EMP2: variants seen among roughly 807,000 people sequenced by gnomAD.
The protein encoded by EMP2 is epithelial membrane protein 2.
Under a neutral mutation model 13.7 loss-of-function variants are expected in EMP2, and 19 were observed. The ratio of observed to expected loss-of-function variants is 1.38; its 90% CI spans 0.97 to 2.03. The LOEUF is 2.03. Ranked by LOEUF, EMP2 falls within the 30% of genes most tolerant of loss-of-function variation. The pLI is 0.00. For missense variants in EMP2, 253 were observed against 220.7 expected, an observed-to-expected ratio of 1.15 and a Z score of -0.93; for synonymous variants, 97 against 84.7, an observed-to-expected ratio of 1.15 and a Z score of -0.80.
intron 4 of EMP2, among the ~76,000 whole-genome samples, chr16:10,537,557 G>A (rs8052120): frequency 0.36 from 55,339 of 151,986 alleles, 11,232 homozygotes; most frequent in African/African-American, 0.55. Context: ...CGTCCCTCCT[G>A]TCACAGGGCT....
intron 3 of EMP2, among the ~76,000 whole-genome samples, chr16:10,541,514 CCT>C (rs1179858486): frequency 2.6e-5 from 4 of 152,140 alleles, no homozygotes; most frequent in African/African-American, 4.8e-5. Flanking sequence ...TTCGCCAACC[CCT>C]GTTTTAAAGA....
Position 10,542,328 on chromosome 16 carries a change from G to A in EMP2, c.169+1242C>T, listed in dbSNP as rs1245494017. Reference sequence around the variant, plus strand: ...TGGGAGGATCACTTGAGCCCGGGAGGTCAAGGCTGCAGTGAGTCGTGACTG... The same window carrying A: ...TGGGAGGATCACTTGAGCCCGGGAGATCAAGGCTGCAGTGAGTCGTGACTG... On this transcript the variant is annotated intron_variant, in intron 3 of 4. Coordinates refer to ENST00000359543, the MANE Select transcript of EMP2 (RefSeq NM_001424.6). Among the ~76,000 whole-genome samples, 3 of 152,098 alleles carry A rather than the reference G, an allele frequency of 2.0e-5. No homozygotes were observed. In the South Asian group the frequency reaches 6.2e-4, roughly 32 times the overall value.
At chr16:10,566,748 T>C (rs1418187322) in intron 1 of EMP2, among the ~76,000 whole-genome samples, 2 of 152,166 alleles carry the variant, frequency 1.3e-5, no homozygotes, top group Non-Finnish European at 2.9e-5. Flanking sequence ...TGACTACCTG[T>C]CCATCAGTGT....
intron 2 of EMP2, chr16:10,545,831 GC>G (rs2050734589): frequency 6.6e-6 from 1 of 151,664 alleles, no homozygotes. Flanking sequence ...GGTTCCTGGT[GC>G]CAAAAACGTT....
intron 4 of EMP2, among the ~76,000 whole-genome samples, chr16:10,536,944 A>G (rs923534164): frequency 6.6e-6 from 1 of 152,162 alleles, no homozygotes; most frequent in African/African-American, 2.4e-5. Flanking sequence ...CAGGCAAACT[A>G]GAACAAGTTG....
At chr16:10,549,519 T>C (rs1041235473) in intron 1 of EMP2, among the ~76,000 whole-genome samples, 3 of 152,248 alleles carry the variant, frequency 2.0e-5, no homozygotes, top group Non-Finnish European at 2.9e-5. Flanking sequence ...TCAAATGATC[T>C]GGTTGGAAGA....
At chr16:10,554,667 A>T (rs2050814044) in intron 1 of EMP2, among the ~76,000 whole-genome samples, 2 of 152,206 alleles carry the variant, frequency 1.3e-5, no homozygotes, top group South Asian at 4.2e-4. Context: ...GTAAATACAG[A>T]TCCATCTCCT....
At chr16:10,563,439 G>T (rs143957143) in intron 1 of EMP2, among the ~76,000 whole-genome samples, 1 of 152,286 alleles carries the variant, frequency 6.6e-6, no homozygotes, top group Admixed American at 6.5e-5. Context: ...TGATCCACCT[G>T]CCTTGGTCTC....
chr16:10,571,233 GT>G (rs557837290), intron 1 of EMP2, among the ~76,000 whole-genome samples: 7,793 of 132,176 alleles, frequency 0.059, 348 homozygotes, highest in South Asian at 0.16. Context: ...CTCCAGCCTG[GT>G]GACAGAGCAA....
chr16:10,570,855 A>G (rs1035515025), intron 1 of EMP2, among the ~76,000 whole-genome samples: 1 of 152,080 alleles, frequency 6.6e-6, no homozygotes, highest in Non-Finnish European at 1.5e-5. Flanking sequence ...ATGAGTCTTA[A>G]AGGTCTTAAA....
At chr16:10,548,573 G>C (rs1427025725) in intron 1 of EMP2, among the ~76,000 whole-genome samples, 2 of 151,972 alleles carry the variant, frequency 1.3e-5, no homozygotes, top group African/African-American at 4.8e-5. Flanking sequence ...AGGTGCCTGT[G>C]GTCCCACCTA....
intron 1 of EMP2, among the ~76,000 whole-genome samples, chr16:10,557,846 G>A (rs2050842389): frequency 6.6e-6 from 1 of 152,044 alleles, no homozygotes; most frequent in South Asian, 2.1e-4. Flanking sequence ...CATAACCAGG[G>A]TAGAAGAACA....
intron 1 of EMP2, among the ~76,000 whole-genome samples, chr16:10,549,131 T>C (rs2050762364): frequency 6.6e-6 from 1 of 152,214 alleles, no homozygotes; most frequent in Non-Finnish European, 1.5e-5. Context: ...ACAGATATTA[T>C]GATTGGGGAA....
chr16:10,568,505 A>G (rs567572773), intron 1 of EMP2, among the ~76,000 whole-genome samples: 2 of 152,302 alleles, frequency 1.3e-5, no homozygotes, highest in African/African-American at 4.8e-5. Context: ...CAACACCAAG[A>G]CCCTGCTGCT....
At chr16:10,574,657 T>G (rs1363635278) in intron 1 of EMP2, among the ~76,000 whole-genome samples, 5 of 152,200 alleles carry the variant, frequency 3.3e-5, no homozygotes, top group African/African-American at 1.2e-4. Flanking sequence ...GTTCACACCA[T>G]TCTCCTGCCT....
chr16:10,529,611 T>G lies in EMP2; in HGVS notation c.*3294A>C, dbSNP rs2050581558. ...GGTCGATCTCTGGTTCTAAGGTGTT[T>G]TGTTTGTTTCCATCGTGACTACCAG... On this transcript the variant is annotated 3_prime_UTR_variant, in exon 5 of 5. Transcript: ENST00000359543. 1 of 152,162 alleles carries G rather than the reference T, an allele frequency of 6.6e-6. No individual in the cohort carries two copies. The highest frequency in any genetic ancestry group is 1.5e-5 in the Non-Finnish European group (1 of 68,058). 9.4% of individuals were successfully genotyped at this position (152,162 alleles called of 1,614,324 possible). A position where few individuals can be genotyped will look rare whatever the true frequency, so the allele number is the denominator to read the frequency against.
At chr16:10,573,908 C>T (rs2050964255) in intron 1 of EMP2, among the ~76,000 whole-genome samples, 1 of 149,452 alleles carries the variant, frequency 6.7e-6, no homozygotes, top group African/African-American at 2.5e-5. Context: ...AAGCTCTTTC[C>T]ATATGGGTAC....
chr16:10,540,164 A>G (rs2050683115), intron 3 of EMP2, among the ~76,000 whole-genome samples: 1 of 152,192 alleles, frequency 6.6e-6, no homozygotes, highest in African/African-American at 2.4e-5. Context: ...AGGACGGGAA[A>G]CTACACAAAT....
At chr16:10,537,170 A>G (rs1254750872) in intron 4 of EMP2, among the ~76,000 whole-genome samples, 1 of 152,196 alleles carries the variant, frequency 6.6e-6, no homozygotes, top group Non-Finnish European at 1.5e-5. Context: ...GGACTTCTGT[A>G]TTTTGTCATC....
Sources: gnomAD v4.1 joint callset for allele counts (sites outside exome capture counted in the v4.1 genomes callset) on GRCh38, gnomAD v4.1.1 for gene constraint, MANE v1.5 for transcripts, NCBI Gene and HGNC (gene_info 2026-07-23, HGNC 2026-07-21) for gene names.